Variants in PARD3B observed in about 807,000 individuals in gnomAD.
PARD3B encodes par-3 family cell polarity regulator beta.
PARD3B carries 103 observed loss-of-function variants against 130.2 expected under a neutral mutation model. The observed-to-expected ratio is 0.79, with a 90% confidence interval of 0.67 to 0.93. PARD3B has a LOEUF of 0.93. PARD3B is among the 40% of genes least tolerant of loss of function. The probability of loss-of-function intolerance (pLI) is 0.00; values close to 1 mark genes in which losing one functional copy is unlikely to be tolerated. For missense variants in PARD3B, 1,609 were observed against 1,499.2 expected, an observed-to-expected ratio of 1.07 and a Z score of -1.21; for synonymous variants, 583 against 553.2, an observed-to-expected ratio of 1.05 and a Z score of -0.76.
intron 2 of PARD3B, among the ~76,000 whole-genome samples, chr2:204,741,454 G>T (rs140864204): frequency 4.6e-5 from 7 of 152,018 alleles, no homozygotes; most frequent in Non-Finnish European, 7.4e-5. Context: ...AGCCACCTGC[G>T]ACACTAACTC....
At chr2:205,337,859 C>T (rs1469570164) in intron 18 of PARD3B, among the ~76,000 whole-genome samples, 4 of 152,020 alleles carry the variant, frequency 2.6e-5, no homozygotes, top group Non-Finnish European at 4.4e-5. Context: ...CTTCAAATAA[C>T]AAAATGCTGG....
chr2:205,129,299 T>A (rs2031766152), intron 10 of PARD3B, among the ~76,000 whole-genome samples: 1 of 152,228 alleles, frequency 6.6e-6, no homozygotes, highest in Non-Finnish European at 1.5e-5. Flanking sequence ...CTGCCTCGAA[T>A]GCCAAGAGGC....
Position 205,253,295 on chromosome 2 carries a change from C to G in PARD3B, c.2185+7473C>G. On this transcript the variant is annotated intron_variant, in intron 16 of 22. Transcript: ENST00000406610. This position sits in a 1 kb window ranked among gnomAD's most constrained non-coding sequence, Gnocchi z 4.4. ...CACTTAAGAGTAAAATGTATTAACA[C>G]AAAGGCTCTGGCCGCCCCCCTACAA... The G allele has an allele frequency of 4.0e-6, 2 of 495,062 alleles. No individual in the cohort carries two copies. Among genetic ancestry groups the G allele is most frequent in the Non-Finnish European group, 8.2e-6 (2 of 244,214 alleles). The allele number at this position is 495,062 out of a possible 1,614,324, so 30.7% of individuals were successfully genotyped here. A position where few individuals can be genotyped will look rare whatever the true frequency, so the allele number is the denominator to read the frequency against.
chr2:204,704,018 G>T lies in PARD3B; in HGVS notation c.222+17736G>T, dbSNP rs541147742. On this transcript the variant is annotated intron_variant, in intron 2 of 22. Coordinates refer to ENST00000406610, the MANE Select transcript of PARD3B (RefSeq NM_001302769.2). The stretch of plus-strand genomic sequence containing the variant: ...TGATTTGTCAAATTTTTCCAGATAT[G>T]GCATAAATGTTTCAGAATAAAATAT... Among the ~76,000 whole-genome samples, 6 of 152,048 alleles carry T rather than the reference G, an allele frequency of 3.9e-5. No homozygotes were observed. In the East Asian group the frequency reaches 1.2e-3, roughly 29 times the overall value.
Position 205,352,523 on chromosome 2 carries a change from G to T in PARD3B, c.2631-48490G>T, listed in dbSNP as rs1164857415. On this transcript the variant is annotated intron_variant, in intron 18 of 22. Coordinates refer to ENST00000406610, the MANE Select transcript of PARD3B (RefSeq NM_001302769.2). This position sits in a 1 kb window ranked among gnomAD's most constrained non-coding sequence, Gnocchi z 5.2. ...TTCATTCGGTTGATTAATACCTATA[G>T]GAGAAGAGACTATTTGCTTTGATTT... Among the ~76,000 whole-genome samples, 1 of 152,170 alleles carries T rather than the reference G, an allele frequency of 6.6e-6. No individual in the cohort carries two copies. The highest frequency in any genetic ancestry group is 1.9e-4 in the East Asian group (1 of 5,192).
chr2:205,145,401 G>A (rs1233205908), intron 10 of PARD3B, among the ~76,000 whole-genome samples: 2 of 152,018 alleles, frequency 1.3e-5, no homozygotes, highest in Non-Finnish European at 2.9e-5. Flanking sequence ...ATAAAGACAA[G>A]ACTCAATTCT....
At position 205,229,058 on chromosome 2, in the gene PARD3B, T is replaced by C. The variant is rs575533610; in HGVS notation, c.2141-16720T>C. ...GTTTCCTCAAAACAGCTATTTTGAA[T>C]TCTGTATCTGAAAGGTCACTTATGT... On this transcript the variant is annotated intron_variant, in intron 15 of 22. Coordinates refer to ENST00000406610, the MANE Select transcript of PARD3B (RefSeq NM_001302769.2). This position sits in a 1 kb window ranked among gnomAD's most constrained non-coding sequence, Gnocchi z 5.2. 6.6e-6 allele frequency among the ~76,000 whole-genome samples: 1 copy of C among 152,356 alleles called. No individual in the cohort carries two copies. Among genetic ancestry groups the C allele is most frequent in the Non-Finnish European group, 1.5e-5 (1 of 68,034 alleles).
At chr2:204,734,425 C>G (rs2039654507) in intron 2 of PARD3B, among the ~76,000 whole-genome samples, 1 of 152,138 alleles carries the variant, frequency 6.6e-6, no homozygotes, top group Non-Finnish European at 1.5e-5. Flanking sequence ...AGAAATGAAA[C>G]TTATGGTCCC....
rs75773768 is a variant in PARD3B at position 204,929,013 on chromosome 2, A to G, written c.223-36139A>G. ...TGGAAATATTTAACTTGTTTTTCCA[A>G]TATCTGCAAATGGTTCTAACTCACT... is the stretch of plus-strand genomic sequence containing the variant. On this transcript the variant is annotated intron_variant, in intron 2 of 22. Coordinates refer to ENST00000406610, the MANE Select transcript of PARD3B (RefSeq NM_001302769.2). 9.4e-3 allele frequency among the ~76,000 whole-genome samples: 1,425 copies of G among 152,196 alleles called. 23 individuals are homozygous for G. The highest frequency in any genetic ancestry group is 0.031 in the African/African-American group (1,296 of 41,526).
At chr2:205,367,437 C>G (rs2044651487) in intron 18 of PARD3B, among the ~76,000 whole-genome samples, 1 of 152,102 alleles carries the variant, frequency 6.6e-6, no homozygotes, top group Admixed American at 6.6e-5. Context: ...AATTTCCTGA[C>G]AGTAAGATTC....
At chr2:205,224,896 C>G (rs1344102432) in intron 15 of PARD3B, among the ~76,000 whole-genome samples, 1 of 151,984 alleles carries the variant, frequency 6.6e-6, no homozygotes, top group Non-Finnish European at 1.5e-5. Flanking sequence ...TTGAAACTTT[C>G]TTTTATCTTC....
chr2:205,472,139 A>C (rs1463713112), intron 20 of PARD3B, among the ~76,000 whole-genome samples: 3 of 152,222 alleles, frequency 2.0e-5, no homozygotes, highest in Non-Finnish European at 4.4e-5. Flanking sequence ...AGTTTAATGC[A>C]TATTGTTATT....
At chr2:205,346,724 T>G (rs189336728) in intron 18 of PARD3B, among the ~76,000 whole-genome samples, 329 of 152,300 alleles carry the variant, frequency 2.2e-3, no homozygotes, top group Non-Finnish European at 3.3e-3. Flanking sequence ...AAAGACTTCA[T>G]TTTTCATTTA....
intron 1 of PARD3B, among the ~76,000 whole-genome samples, chr2:204,601,941 G>A (rs1239601189): frequency 6.6e-6 from 1 of 152,020 alleles, no homozygotes; most frequent in East Asian, 1.9e-4. Context: ...TCTGAAGGTG[G>A]TGTGCAGGTA....
chr2:205,354,020 CTTTTCCTTTTTTTTTTT>C (rs1048046761), intron 18 of PARD3B, among the ~76,000 whole-genome samples: 2 of 114,590 alleles, frequency 1.7e-5, no homozygotes, highest in East Asian at 2.8e-4. Context: ...TTTTTCTTTT[CTTTTCCTTTTTTTTTTT>C]TTTTTTTTTT....
chr2:205,252,078 A>T (rs960675831), intron 16 of PARD3B, among the ~76,000 whole-genome samples: 1 of 152,188 alleles, frequency 6.6e-6, no homozygotes, highest in Non-Finnish European at 1.5e-5. Context: ...ATTACTGAAT[A>T]ATGTGGTCTG....
At chr2:204,833,647 G>A (rs931884252) in intron 2 of PARD3B, among the ~76,000 whole-genome samples, 2 of 152,034 alleles carry the variant, frequency 1.3e-5, no homozygotes, top group East Asian at 3.9e-4. Flanking sequence ...ATAAAGGGGA[G>A]TTTCCCTGCA....
At chr2:204,695,012 G>T (rs181839991) in intron 2 of PARD3B, among the ~76,000 whole-genome samples, 1 of 152,126 alleles carries the variant, frequency 6.6e-6, no homozygotes, top group Admixed American at 6.6e-5. Context: ...TGTTTGATAT[G>T]TGTGTAAAAT....
chr2:204,896,470 C>A (rs568260881), intron 2 of PARD3B, among the ~76,000 whole-genome samples: 1 of 152,186 alleles, frequency 6.6e-6, no homozygotes, highest in South Asian at 2.1e-4. Flanking sequence ...ACATGTTTAT[C>A]CCATCCATCT....
Sources: gnomAD v4.1 joint callset for allele counts (sites outside exome capture counted in the v4.1 genomes callset) on GRCh38, gnomAD v4.1.1 for gene constraint, Gnocchi (gnomAD v3.1) non-coding constraint, MANE v1.5 for transcripts, NCBI Gene and HGNC (gene_info 2026-07-23, HGNC 2026-07-21) for gene names.